The following DLG2 variants were observed in gnomAD, a reference collection of about 807,000 sequenced individuals.
The protein encoded by DLG2 is discs large MAGUK scaffold protein 2.
DLG2 carries 45 observed loss-of-function variants against 132.5 expected under a neutral mutation model. The ratio of observed to expected loss-of-function variants is 0.34; its 90% CI spans 0.27 to 0.44. The LOEUF (loss-of-function observed/expected upper bound fraction) is 0.44. DLG2 is among the 20% of genes least tolerant of loss of function. The probability of loss-of-function intolerance (pLI) is 1.00; values close to 1 mark genes in which losing one functional copy is unlikely to be tolerated. For synonymous variants in DLG2, 424 were observed against 419.6 expected (o/e 1.01, Z -0.13); for missense variants, 1,045 against 1,196.9 (o/e 0.87, Z 1.87).
At chr11:83,974,637 CACAG>C (rs1430683012) in intron 12 of DLG2, among the ~76,000 whole-genome samples, 2 of 1,266 alleles carry the variant, frequency 1.6e-3, no homozygotes, top group East Asian at 0.33. Flanking sequence ...CGTATTTGGT[CACAG>C]AGTCTATTCA....
At chr11:84,801,462 G>A (rs950255713) in intron 6 of DLG2, among the ~76,000 whole-genome samples, 4 of 152,136 alleles carry the variant, frequency 2.6e-5, no homozygotes, top group Non-Finnish European at 5.9e-5. Context: ...TCCCAGCTAC[G>A]CAGGAGGCTG....
chr11:84,687,345 G>A (rs2099739046), intron 6 of DLG2: 1 of 152,074 alleles, frequency 6.6e-6, no homozygotes, highest in African/African-American at 2.4e-5. Flanking sequence ...ATATGAATGA[G>A]TATGAATCCT....
intron 6 of DLG2, among the ~76,000 whole-genome samples, chr11:84,570,631 A>G (rs2099479042): frequency 6.6e-6 from 1 of 152,150 alleles, no homozygotes; most frequent in African/African-American, 2.4e-5. Flanking sequence ...ACTTTATGAA[A>G]GACCTAAAAT....
At chr11:85,524,556 G>A (rs1027518657) in intron 3 of DLG2, among the ~76,000 whole-genome samples, 2 of 152,116 alleles carry the variant, frequency 1.3e-5, no homozygotes, top group Non-Finnish European at 1.5e-5. Context: ...GCAGTGGCAT[G>A]ATCCCAGCTC....
intron 10 of DLG2, among the ~76,000 whole-genome samples, chr11:84,097,274 A>G (rs2097178477): frequency 6.6e-6 from 1 of 152,170 alleles, no homozygotes; most frequent in Non-Finnish European, 1.5e-5. Flanking sequence ...CAGTTTTACC[A>G]AGAATCCTGC....
intron 6 of DLG2, among the ~76,000 whole-genome samples, chr11:84,783,164 A>C (rs2072137076): frequency 6.6e-6 from 1 of 152,170 alleles, no homozygotes; most frequent in African/African-American, 2.4e-5. Flanking sequence ...TAGTAGTCTA[A>C]ATTTTACTAC....
intron 4 of DLG2, among the ~76,000 whole-genome samples, chr11:85,217,565 T>C (rs2082704779): frequency 6.6e-6 from 1 of 152,232 alleles, no homozygotes. Context: ...AGTTGATTTC[T>C]AGGAGATTCT....
intron 15 of DLG2, among the ~76,000 whole-genome samples, chr11:83,914,275 T>C (rs966860613): frequency 1.3e-5 from 2 of 152,088 alleles, no homozygotes; most frequent in African/African-American, 2.4e-5. Context: ...CCCTTCTCTC[T>C]TGCTCTCTTC....
At chr11:85,315,654 C>T (rs1386210570) in intron 3 of DLG2, among the ~76,000 whole-genome samples, 2 of 152,044 alleles carry the variant, frequency 1.3e-5, no homozygotes, top group African/African-American at 4.8e-5. Context: ...AAGATAGAGA[C>T]AGGACACCTG....
At chr11:84,096,554 T>C (rs1289070854) in intron 10 of DLG2, among the ~76,000 whole-genome samples, 3 of 152,118 alleles carry the variant, frequency 2.0e-5, no homozygotes, top group Non-Finnish European at 4.4e-5. Context: ...AGCCAGAATT[T>C]GGTTAAAGGG....
At chr11:83,480,408 C>T (rs2093007813) in intron 22 of DLG2, 2 of 1,535,326 alleles carry the variant, frequency 1.3e-6, no homozygotes, top group Non-Finnish European at 1.7e-6. Flanking sequence ...TTAGAAGAAA[C>T]ATGTTCTGCA....
Position 84,652,402 on chromosome 11 carries a change from G to A in DLG2, c.358-117671C>T, listed in dbSNP as rs79775405. 3.0e-3 allele frequency among the ~76,000 whole-genome samples: 456 copies of A among 152,224 alleles called. 3 individuals carry two copies. The highest frequency in any genetic ancestry group is 0.01 in the African/African-American group (435 of 41,550). On this transcript the variant is annotated intron_variant, in intron 6 of 27. Coordinates refer to ENST00000376104, the MANE Select transcript of DLG2 (RefSeq NM_001142699.3). ...GCTATGGGAGGAAATTTAGGGTAAC[G>A]CACACCCTTCTGTCTTGAGAGATTG...
chr11:85,464,701 T>A (rs1246798747), intron 3 of DLG2, among the ~76,000 whole-genome samples: 1 of 152,006 alleles, frequency 6.6e-6, no homozygotes, highest in Non-Finnish European at 1.5e-5. Context: ...ATTCAGGCCC[T>A]TATCATAATC....
In DLG2 at chr11:85,490,379, C is replaced by T. The variant is rs371893745; in HGVS notation, c.40+108278G>A. ...TCTAACAACTAGTTAGATTGAACAACTAGTTCAAGGAACTAGAAAAGCAAG... is the reference window on the plus strand; with the variant it reads ...TCTAACAACTAGTTAGATTGAACAATTAGTTCAAGGAACTAGAAAAGCAAG... On this transcript the variant is annotated intron_variant, in intron 3 of 27. Transcript: ENST00000376104. Among the ~76,000 whole-genome samples, 106 of 151,688 alleles carry T rather than the reference C, an allele frequency of 7.0e-4. 1 individual carries two copies. In the South Asian group the frequency reaches 0.021, roughly 30 times the overall value.
chr11:83,696,801 AGGACTTCG>A (rs1489549400), intron 18 of DLG2, among the ~76,000 whole-genome samples: 9 of 152,348 alleles, frequency 5.9e-5, no homozygotes, highest in Non-Finnish European at 1.3e-4. Flanking sequence ...CCTAACATGA[AGGACTTCG>A]TAGTCACAAA....
At chr11:85,417,113 T>C (rs1209471468) in intron 3 of DLG2, among the ~76,000 whole-genome samples, 2 of 152,198 alleles carry the variant, frequency 1.3e-5, no homozygotes, top group South Asian at 2.1e-4. Flanking sequence ...TTGAGATATG[T>C]TCCATCAATA....
intron 2 of DLG2, among the ~76,000 whole-genome samples, chr11:85,611,167 T>G (rs527923403): frequency 1.5e-4 from 23 of 152,190 alleles, no homozygotes; most frequent in African/African-American, 5.1e-4. Flanking sequence ...AGAAAATTGA[T>G]GTAGTAGCAA....
intron 17 of DLG2, among the ~76,000 whole-genome samples, chr11:83,811,730 T>C (rs1233521283): frequency 1.3e-5 from 2 of 152,148 alleles, no homozygotes; most frequent in East Asian, 1.9e-4. Flanking sequence ...TTATGTATTG[T>C]TGGCTATCAG....
chr11:83,809,047 T>C (rs2046621475), intron 17 of DLG2, among the ~76,000 whole-genome samples: 2 of 152,170 alleles, frequency 1.3e-5, no homozygotes, highest in Admixed American at 1.3e-4. Flanking sequence ...TGCCTCTACT[T>C]TCCTGCTGCA....
Sources: allele counts gnomAD v4.1 joint callset (sites outside exome capture counted in the v4.1 genomes callset), GRCh38; gene constraint gnomAD v4.1.1; transcripts MANE v1.5; gene names NCBI Gene and HGNC (gene_info 2026-07-23, HGNC 2026-07-21).